DIAPH3: variants seen among roughly 807,000 people sequenced by gnomAD.
DIAPH3 encodes the protein protein diaphanous homolog 3.
Under a neutral mutation model 144.3 loss-of-function variants are expected in DIAPH3, and 117 were observed. The observed-to-expected ratio is 0.81, with a 90% CI of 0.70 to 0.95. The LOEUF (loss-of-function observed/expected upper bound fraction) is 0.95, where lower values mean the gene tolerates loss of function less well. Ranked by LOEUF, DIAPH3 falls within the 40% of genes least tolerant of loss-of-function variation. The pLI is 0.00. For missense variants in DIAPH3, 1,421 were observed against 1,412.7 expected, an observed-to-expected ratio of 1.01 and a Z score of -0.09; for synonymous variants, 519 against 488.9, an observed-to-expected ratio of 1.06 and a Z score of -0.81.
intron 4 of DIAPH3, among the ~76,000 whole-genome samples, chr13:60,077,431 A>G (rs1038940352): frequency 2.0e-5 from 3 of 152,144 alleles, no homozygotes; most frequent in African/African-American, 7.2e-5. Context: ...AATATGAGAT[A>G]ATATGAGCCT....
At chr13:59,974,961 T>C (rs988242297) in intron 14 of DIAPH3, among the ~76,000 whole-genome samples, 3 of 152,060 alleles carry the variant, frequency 2.0e-5, no homozygotes, top group African/African-American at 7.2e-5. Context: ...AACAACATAA[T>C]ATCTCCTGAT....
At chr13:60,043,009 G>A (rs193302222) in intron 4 of DIAPH3, among the ~76,000 whole-genome samples, 189 bp from the exon 5 acceptor site, 1 of 152,146 alleles carries the variant, frequency 6.6e-6, no homozygotes, top group Non-Finnish European at 1.5e-5. Context: ...ATCCACAAAA[G>A]ATAGTAATAT....
intron 1 of DIAPH3, among the ~76,000 whole-genome samples, chr13:60,153,974 C>T (rs1951913451): frequency 6.6e-6 from 1 of 152,046 alleles, no homozygotes; most frequent in Non-Finnish European, 1.5e-5. Flanking sequence ...CCTAAGAAAG[C>T]TTCAGAAACT....
intron 5 of DIAPH3, among the ~76,000 whole-genome samples, chr13:60,018,652 G>A (rs980857203): frequency 1.9e-4 from 29 of 152,036 alleles, no homozygotes; most frequent in Admixed American, 1.2e-3. Context: ...TTAAAGTTCC[G>A]TGTAAAGAGG....
chr13:59,785,985 A>T (rs191216749), intron 25 of DIAPH3, among the ~76,000 whole-genome samples: 4 of 152,266 alleles, frequency 2.6e-5, no homozygotes, highest in Admixed American at 1.3e-4. Context: ...AGGAGTACAG[A>T]CCACAAGGTC....
At chr13:60,130,783 T>C (rs1004802759) in intron 2 of DIAPH3, among the ~76,000 whole-genome samples, 3 of 152,238 alleles carry the variant, frequency 2.0e-5, no homozygotes, top group South Asian at 2.1e-4. Context: ...TTGTTGAAGA[T>C]ATGCACTAGG....
At chr13:59,963,317 A>C (rs1188792778) in intron 17 of DIAPH3, among the ~76,000 whole-genome samples, 3 of 152,174 alleles carry the variant, frequency 2.0e-5, no homozygotes, top group Non-Finnish European at 4.4e-5. Flanking sequence ...CTAAAAATCT[A>C]AACTGTGAAA....
chr13:60,102,274 A>C (rs1170087944), intron 3 of DIAPH3, among the ~76,000 whole-genome samples: 1 of 152,208 alleles, frequency 6.6e-6, no homozygotes, highest in Non-Finnish European at 1.5e-5. Context: ...ATATGTAAGC[A>C]AGTTAATCTT....
In DIAPH3 at chr13:59,879,318, G is replaced by A; in HGVS notation, c.2518C>T (p.Leu840=). The A allele has an allele frequency of 1.2e-6, 2 of 1,613,830 alleles. No individual in the cohort carries two copies. Among genetic ancestry groups the A allele is most frequent in the Non-Finnish European group, 1.7e-6 (2 of 1,179,834 alleles). ...IKKSKSFSKL[L]ELVLLMGNYM... ...TTTCCCATTAGCAATACAAGTTCCA[G>A]CAACTTGCTAAAGCTTTTGCTCTTC... The change falls in exon 21 of 28, where the codon CTG becomes TTG. Residue 840 remains leucine (L), a synonymous_variant. Coordinates refer to ENST00000400324, the MANE Select transcript of DIAPH3 (RefSeq NM_001042517.2).
rs905644535 is a variant in DIAPH3, at chr13:59,771,748, T to C, written c.3319+2441A>G. ...CCCTTAAACAAGTTATCAGACCTCT[T>C]TAATACTTGACTAGTTTCGACTATG... On this transcript the variant is annotated intron_variant, in intron 27 of 27. Transcript: ENST00000400324. Among the ~76,000 whole-genome samples the C allele has an allele frequency of 1.3e-5, 2 of 152,258 alleles. 1 individual carries two copies. The highest frequency in any genetic ancestry group is 4.1e-4 in the South Asian group (2 of 4,824).
intron 1 of DIAPH3, among the ~76,000 whole-genome samples, chr13:60,139,400 C>A (rs2059377168): frequency 6.6e-6 from 1 of 152,132 alleles, no homozygotes; most frequent in Admixed American, 6.5e-5. Flanking sequence ...TTCAAAACTG[C>A]AATTCTGCCA....
At chr13:60,128,608 T>G (rs1025936693) in intron 2 of DIAPH3, among the ~76,000 whole-genome samples, 8 of 152,138 alleles carry the variant, frequency 5.3e-5, no homozygotes, top group African/African-American at 1.7e-4. Context: ...ATGGCAGAGG[T>G]GGCATTCTAA....
At chr13:59,693,820 A>C (rs2033659639) in intron 27 of DIAPH3, among the ~76,000 whole-genome samples, 1 of 152,216 alleles carries the variant, frequency 6.6e-6, no homozygotes, top group East Asian at 1.9e-4. Flanking sequence ...TGAATTTTAA[A>C]TGATCCTTAT....
intron 1 of DIAPH3, among the ~76,000 whole-genome samples, chr13:60,139,934 G>A (rs200088788): frequency 2.0e-5 from 3 of 152,128 alleles, no homozygotes; most frequent in Non-Finnish European, 4.4e-5. Flanking sequence ...AAAGCAAATC[G>A]AATCTCTGAA....
At chr13:59,916,362 C>T in intron 18 of DIAPH3, 113 bp from the exon 19 acceptor site, 5 of 814,670 alleles carry the variant, frequency 6.1e-6, no homozygotes, top group Non-Finnish European at 8.1e-6. Flanking sequence ...AGAATTCAAA[C>T]ATTTAATATT....
rs1272687028 is a variant in DIAPH3 at position 59,675,809 on chromosome 13, A to G, written c.3320-8963T>C. 9.7e-4 allele frequency among the ~76,000 whole-genome samples: 148 copies of G among 152,192 alleles called. 1 individual carries two copies. The highest frequency in any genetic ancestry group is 1.9e-4 in the Non-Finnish European group (13 of 68,028). On this transcript the variant is annotated intron_variant, in intron 27 of 27. Coordinates refer to ENST00000400324, the MANE Select transcript of DIAPH3 (RefSeq NM_001042517.2). ...CGTTGGCCCTCATGGTTCTGGGGGA[A>G]CATGATTAGGCCATGGCAAATAGAC...
chr13:59,829,544 T>TATAAGG (rs2041664369), intron 24 of DIAPH3, among the ~76,000 whole-genome samples: 1 of 151,948 alleles, frequency 6.6e-6, no homozygotes, highest in African/African-American at 2.4e-5. Flanking sequence ...TAGTTGCTAC[T>TATAAGG]ATAAGGATTA....
chr13:60,138,902 T>C (rs1294009384), intron 1 of DIAPH3, among the ~76,000 whole-genome samples: 3 of 151,718 alleles, frequency 2.0e-5, no homozygotes, highest in Non-Finnish European at 4.4e-5. Context: ...TCATAATCTA[T>C]GGCTGATAAT....
intron 24 of DIAPH3, among the ~76,000 whole-genome samples, chr13:59,821,418 T>C (rs1298004837): frequency 1.3e-5 from 2 of 152,072 alleles, no homozygotes; most frequent in Non-Finnish European, 2.9e-5. Flanking sequence ...GGAAAACATT[T>C]TAATTTGGAA....
Sources: gnomAD v4.1 joint callset for allele counts (sites outside exome capture counted in the v4.1 genomes callset) on GRCh38, gnomAD v4.1.1 for gene constraint, MANE v1.5 for transcripts, NCBI Gene and HGNC (gene_info 2026-07-23, HGNC 2026-07-21) for gene names.